PLCB4: variants seen among roughly 807,000 people sequenced by gnomAD.
PLCB4 encodes the protein phospholipase C beta 4, also known as 1-phosphatidylinositol 4,5-bisphosphate phosphodiesterase beta-4.
A neutral mutation model predicts 178.8 loss-of-function variants in PLCB4; 77 were observed. That is an observed-to-expected ratio of 0.43 (90% CI 0.36 to 0.52). PLCB4 has a LOEUF of 0.52. Ranked by LOEUF, PLCB4 falls within the 20% of genes least tolerant of loss-of-function variation. The probability of loss-of-function intolerance (pLI) is 0.00; values close to 1 mark genes in which losing one functional copy is unlikely to be tolerated. For synonymous variants in PLCB4, 496 were observed against 490.8 expected, an observed-to-expected ratio of 1.01 and a Z score of -0.14; for missense variants, 1,024 against 1,453.4, an observed-to-expected ratio of 0.70 and a Z score of 4.80.
intron 3 of PLCB4, among the ~76,000 whole-genome samples, chr20:9,247,692 G>A (rs1367912631): frequency 6.6e-6 from 1 of 152,144 alleles, no homozygotes; most frequent in East Asian, 1.9e-4. Context: ...GGGGCTTGAG[G>A]TAGATTGGGT....
chr20:9,384,505 G>T (rs1568700789), intron 14 of PLCB4, 94 bp downstream of exon 14: 8 of 879,248 alleles, frequency 9.1e-6, no homozygotes, highest in Non-Finnish European at 1.3e-5. Context: ...TAATCAGGAT[G>T]AAAAGGAAAT....
At chr20:9,079,501 C>G (rs1281043678) in intron 1 of PLCB4, among the ~76,000 whole-genome samples, 1 of 152,154 alleles carries the variant, frequency 6.6e-6, no homozygotes, top group African/African-American at 2.4e-5. Context: ...TCTGCCTGTC[C>G]CCTAAACGCT....
chr20:9,361,238 C>T (rs183673578), intron 7 of PLCB4, among the ~76,000 whole-genome samples: 1 of 152,246 alleles, frequency 6.6e-6, no homozygotes, highest in African/African-American at 2.4e-5. Context: ...AGCAGACATG[C>T]AATTCACAAT....
At chr20:9,120,154 G>A (rs761041788) in intron 2 of PLCB4, among the ~76,000 whole-genome samples, 2 of 152,166 alleles carry the variant, frequency 1.3e-5, no homozygotes, top group African/African-American at 2.4e-5. Context: ...GCCCATCTGC[G>A]TTACGGAAGT....
In PLCB4 at chr20:9,478,966, C is replaced by G. The variant is rs1188180544; in HGVS notation, c.3578C>G (p.Pro1193Arg). The change falls in exon 40 of 40, where the codon CCG (proline) becomes CGG (arginine). Residue 1193 changes from proline (P) to arginine (R), a missense_variant. This residue lies in a region of PLCB4 where 264 missense variants were observed against 283.2 expected (regional missense o/e 0.93). Coordinates refer to ENST00000378473, the MANE Select transcript of PLCB4 (RefSeq NM_001377142.1). ...GGTGAAATTGGAAGCCGAGATGGACCGCAGACCAGCAACAGTAGTATGAAA... is the reference window on the plus strand; with the variant it reads ...GGTGAAATTGGAAGCCGAGATGGACGGCAGACCAGCAACAGTAGTATGAAA... ...ADGEIGSRDG[P>R]QTSNSSMKLQ... 3.7e-6 allele frequency: 6 copies of G among 1,613,448 alleles called. No homozygotes were observed.
intron 30 of PLCB4, among the ~76,000 whole-genome samples, chr20:9,439,892 T>C (rs1412409527): frequency 1.3e-5 from 2 of 152,238 alleles, no homozygotes; most frequent in African/African-American, 4.8e-5. Flanking sequence ...CAAAAGTCAG[T>C]AATTTAAATA....
chr20:9,262,348 A>G (rs1657749334), intron 3 of PLCB4, among the ~76,000 whole-genome samples: 1 of 151,850 alleles, frequency 6.6e-6, no homozygotes, highest in South Asian at 2.1e-4. Context: ...AGAGAGAGAG[A>G]AGAGGGCGGA....
At chr20:9,205,931 T>C (rs539048511) in intron 2 of PLCB4, among the ~76,000 whole-genome samples, 2 of 152,354 alleles carry the variant, frequency 1.3e-5, no homozygotes, top group African/African-American at 4.8e-5. Context: ...ATTCAAGTTG[T>C]GTTATCAATA....
intron 2 of PLCB4, among the ~76,000 whole-genome samples, chr20:9,193,474 A>G (rs1160054535): frequency 5.9e-5 from 9 of 152,054 alleles, no homozygotes; most frequent in Admixed American, 4.6e-4. Flanking sequence ...AATGAACACA[A>G]CTCCTCAGCT....
chr20:9,457,566 A>T (rs988219627), intron 34 of PLCB4, 77 bp downstream of exon 34: 9 of 783,668 alleles, frequency 1.1e-5, no homozygotes, highest in Non-Finnish European at 2.1e-5. Flanking sequence ...ACCTAGTGTA[A>T]ATTAGAAATA....
chr20:9,256,373 A>G (rs1344025079), intron 3 of PLCB4, among the ~76,000 whole-genome samples: 4 of 152,166 alleles, frequency 2.6e-5, no homozygotes, highest in Admixed American at 2.6e-4. Context: ...TCCAGTGTCA[A>G]ATGCACACTC....
chr20:9,318,105 C>T (rs897697188), intron 4 of PLCB4, among the ~76,000 whole-genome samples: 5 of 151,930 alleles, frequency 3.3e-5, no homozygotes, highest in East Asian at 1.9e-4. Context: ...GCCCAGATTG[C>T]GCTATTGCAC....
chr20:9,133,789 G>C (rs2092327075), intron 2 of PLCB4, among the ~76,000 whole-genome samples: 2 of 152,168 alleles, frequency 1.3e-5, no homozygotes, highest in Admixed American at 1.3e-4. Context: ...GTGGACAGCA[G>C]CTCTCCCTGT....
intron 14 of PLCB4, among the ~76,000 whole-genome samples, chr20:9,385,300 C>G (rs2037493721): frequency 1.3e-5 from 2 of 152,174 alleles, no homozygotes. Context: ...TCATCATGGC[C>G]CGTTCTCGAT....
intron 1 of PLCB4, among the ~76,000 whole-genome samples, chr20:9,080,736 C>T (rs2090102977): frequency 6.6e-6 from 1 of 152,184 alleles, no homozygotes; most frequent in Admixed American, 6.5e-5. Context: ...CCCCAATTTA[C>T]TGAAGACTCC....
At chr20:9,381,293 A>C (rs976638956) in intron 13 of PLCB4, among the ~76,000 whole-genome samples, 3 of 152,100 alleles carry the variant, frequency 2.0e-5, no homozygotes, top group South Asian at 4.2e-4. Flanking sequence ...TGTGACCTTG[A>C]GCTAGGAACT....
intron 3 of PLCB4, among the ~76,000 whole-genome samples, chr20:9,218,631 T>C (rs2093760464): frequency 6.6e-6 from 1 of 152,210 alleles, no homozygotes; most frequent in Non-Finnish European, 1.5e-5. Context: ...TTCATTATCT[T>C]CTGGCAGTGC....
chr20:9,271,549 AT>A (rs964982879), intron 3 of PLCB4, among the ~76,000 whole-genome samples: 18 of 152,272 alleles, frequency 1.2e-4, no homozygotes, highest in Middle Eastern at 3.4e-3. Flanking sequence ...TGTCATTACT[AT>A]TTTTTATACA....
intron 3 of PLCB4, among the ~76,000 whole-genome samples, chr20:9,238,412 C>G (rs925840464): frequency 2.0e-5 from 3 of 152,184 alleles, no homozygotes; most frequent in Non-Finnish European, 4.4e-5. Context: ...GTTGACCCCC[C>G]CCCGAGGGAC....
Sources: allele counts gnomAD v4.1 joint callset (sites outside exome capture counted in the v4.1 genomes callset), GRCh38; gene constraint gnomAD v4.1.1; regional missense constraint gnomAD v4.1.1; transcripts MANE v1.5; gene names NCBI Gene and HGNC (gene_info 2026-07-23, HGNC 2026-07-21).